Variants in RPL17 observed in about 807,000 individuals in gnomAD.
RPL17 encodes large ribosomal subunit protein uL22.
Under a neutral mutation model 27.7 loss-of-function variants are expected in RPL17, and 2 were observed. The observed-to-expected ratio is 0.07, with a 90% CI of 0.03 to 0.23. The LOEUF (loss-of-function observed/expected upper bound fraction) is 0.23, where lower values mean the gene tolerates loss of function less well. Among genes scored for constraint, RPL17 ranks in the 10% least tolerant of loss-of-function variants. The pLI, the probability that RPL17 is intolerant of heterozygous loss-of-function variation, is 1.00. For synonymous variants in RPL17, 76 were observed against 75.5 expected (o/e 1.01, Z -0.03); for missense variants, 141 against 238.8 (o/e 0.59, Z 2.70).
chr18:49,488,653 T>C, intron 6 of RPL17, 87 bp from the exon 7 acceptor site: 1 of 804,962 alleles, frequency 1.2e-6, no homozygotes, highest in Non-Finnish European at 2.2e-6. Context: ...GCAGGAAACC[T>C]AGTCGTTAAG....
At position 49,490,537 on chromosome 18, in the gene RPL17, A is replaced by T; in HGVS notation, c.232T>A (p.Trp78Arg). ...GRCAQAKQWG[W>R]TQGRWPKKSA... ...TTTTTGGGCCACCGACCTTGTGTCC[A>T]GCCCCATTGCTTGGCCTGAAAGAAA... The change falls in exon 5 of 7, where the codon TGG becomes AGG. Residue 78 changes from tryptophan (W) to arginine (R), a missense_variant. Trp to Arg is a moderately radical substitution (Grantham distance 101). Around this residue, in one of 2 missense-constraint regions of RPL17, gnomAD observed 107 missense variants for 150.1 expected, o/e 0.71. Coordinates refer to ENST00000580261, the MANE Select transcript of RPL17 (RefSeq NM_001035006.5). The T allele has an allele frequency of 6.2e-7, 1 of 1,614,062 alleles. No homozygotes were observed. Among genetic ancestry groups the T allele is most frequent in the Non-Finnish European group, 8.5e-7 (1 of 1,179,946 alleles).
At chr18:49,492,250 C>T (rs1305693015) in intron 1 of RPL17, 1 of 153,374 alleles carries the variant, frequency 6.5e-6, no homozygotes, top group East Asian at 1.9e-4. Flanking sequence ...TCACGTCCCT[C>T]TGCGGACCTC....
chr18:49,488,610 G>A, intron 6 of RPL17, 44 bp from the exon 7 acceptor site: 1 of 1,192,300 alleles, frequency 8.4e-7, no homozygotes, highest in Non-Finnish European at 1.3e-6. Context: ...GAAAACCACA[G>A]TACATCTTGG....
intron 1 of RPL17, chr18:49,492,036 C>G (rs1383648988): frequency 3.1e-6 from 1 of 326,186 alleles, no homozygotes; most frequent in African/African-American, 2.1e-5. Flanking sequence ...ACTTTAAGAG[C>G]CCTCCTGTAC....
chr18:49,490,692 C>T, intron 4 of RPL17, 101 bp downstream of exon 4: 2 of 1,592,024 alleles, frequency 1.3e-6, no homozygotes, highest in Non-Finnish European at 1.7e-6. Flanking sequence ...ATTACAGCAA[C>T]CAGAAATAGG....
At chr18:49,489,911 C>T (rs73959374) in intron 5 of RPL17, among the ~76,000 whole-genome samples, 8,476 of 152,264 alleles carry the variant, frequency 0.056, 275 homozygotes, top group South Asian at 0.098. Context: ...CAGACCTAAA[C>T]TAATTCCAGT....
chr18:49,491,227 A>C, intron 3 of RPL17, 178 bp downstream of exon 3: 1 of 1,099,920 alleles, frequency 9.1e-7, no homozygotes, highest in Non-Finnish European at 1.4e-6. Context: ...ACTACTTCTC[A>C]ATTTCACAAA....
intron 5 of RPL17, 125 bp downstream of exon 5, chr18:49,490,329 G>T (rs2083965841): frequency 9.9e-7 from 1 of 1,011,610 alleles, no homozygotes; most frequent in African/African-American, 1.9e-5. Flanking sequence ...GGAAACTGCA[G>T]GTAGAAATTT....
intron 1 of RPL17, 168 bp from the exon 2 acceptor site, chr18:49,491,752 C>T (rs774289716): frequency 1.0e-5 from 9 of 896,278 alleles, no homozygotes; most frequent in East Asian, 2.4e-5. Flanking sequence ...CCACCAAGGG[C>T]TTGCTTTCCC....
rs866030432 is a variant in RPL17, at chr18:49,491,565, G to A, written c.7C>T (p.Arg3Cys). The A allele has an allele frequency of 2.5e-6, 4 of 1,614,018 alleles. No homozygotes were observed. The highest frequency in any genetic ancestry group is 1.3e-5 in the African/African-American group (1 of 74,900). MV[R>C]YSLDPENPTK... is the part of the protein sequence containing the mutation. ...GGGTTCTCCGGGTCAAGTGAATAGC[G>A]AACCATTTTCACAGATCACCTAGAG... Residue 3 changes from arginine to cysteine, a missense_variant, in exon 2 of 7, where the codon CGC becomes TGC. Coordinates refer to ENST00000580261, the MANE Select transcript of RPL17 (RefSeq NM_001035006.5).
At chr18:49,492,090 CT>C (rs961456841) in intron 1 of RPL17, 132 of 207,524 alleles carry the variant, frequency 6.4e-4, no homozygotes, top group African/African-American at 2.6e-3. Flanking sequence ...CCCGACTTTT[CT>C]TTCCCCCAAA....
chr18:49,488,792 C>T (rs918403185), intron 6 of RPL17, among the ~76,000 whole-genome samples: 6 of 152,102 alleles, frequency 3.9e-5, no homozygotes, highest in African/African-American at 1.4e-4. Flanking sequence ...TTACTGAAAA[C>T]AAGCTTCTTA....
intron 4 of RPL17, 95 bp downstream of exon 4, chr18:49,490,698 A>G: frequency 6.3e-7 from 1 of 1,595,946 alleles, no homozygotes; most frequent in Non-Finnish European, 8.6e-7. Flanking sequence ...GCAACCAGAA[A>G]TAGGTTCATC....
intron 1 of RPL17, chr18:49,491,955 C>T (rs753494671): frequency 3.9e-5 from 15 of 380,238 alleles, no homozygotes; most frequent in Admixed American, 1.5e-4. Flanking sequence ...TCCCGCTCTA[C>T]AGAAACCCCT....
chr18:49,488,488 C>A lies in RPL17; in HGVS notation c.*31G>T. 1 of 1,245,790 alleles carries A rather than the reference C, an allele frequency of 8.0e-7. No individual in the cohort carries two copies. The allele number at this position is 1,245,790 out of a possible 1,614,324, so 77.2% of individuals were successfully genotyped here. A position where few individuals can be genotyped will look rare whatever the true frequency, so the allele number is the denominator to read the frequency against. ...TAATAAAGACAACCAACATTCTTTT[C>A]CTTTTAATTACATTTATTTTAATGC... is the stretch of plus-strand genomic sequence containing the variant. On this transcript the variant is annotated 3_prime_UTR_variant, in exon 7 of 7. Coordinates refer to ENST00000580261, the MANE Select transcript of RPL17 (RefSeq NM_001035006.5).
At chr18:49,489,199 A>T in intron 6 of RPL17, 160 bp downstream of exon 6, 1 of 704,126 alleles carries the variant, frequency 1.4e-6, no homozygotes, top group Non-Finnish European at 2.3e-6. Context: ...ATTTATTATT[A>T]GTCAAGAAAC....
chr18:49,489,719 G>GT (rs1198834050), intron 5 of RPL17, among the ~76,000 whole-genome samples, 169 bp from the exon 6 acceptor site: 1 of 152,160 alleles, frequency 6.6e-6, no homozygotes, highest in Non-Finnish European at 1.5e-5. Flanking sequence ...TTTTTAACCA[G>GT]TTGTCTGCCT....
Position 49,491,463 on chromosome 18 carries a change from T to G in RPL17, c.41-18A>C, listed in dbSNP as rs2084068864. 1.2e-6 allele frequency: 2 copies of G among 1,614,062 alleles called. No homozygotes were observed. The highest frequency in any genetic ancestry group is 8.5e-7 in the Non-Finnish European group (1 of 1,179,964). On this transcript the variant is annotated intron_variant, in intron 2 of 6. Transcript: ENST00000580261. ...TTTGCATGCTAGAAAATAAAACGTT[T>G]TGGTTAATTTTTGGTATCTTATGCC...
intron 6 of RPL17, among the ~76,000 whole-genome samples, 168 bp from the exon 7 acceptor site, chr18:49,488,734 G>A (rs1188438854): frequency 1.3e-5 from 2 of 152,128 alleles, no homozygotes; most frequent in Admixed American, 1.3e-4. Context: ...AAAAAGAAGT[G>A]TACAGAATCA....
Sources: allele counts gnomAD v4.1 joint callset (sites outside exome capture counted in the v4.1 genomes callset), GRCh38; gene constraint gnomAD v4.1.1; regional missense constraint gnomAD v4.1.1; transcripts MANE v1.5; gene names NCBI Gene and HGNC (gene_info 2026-07-23, HGNC 2026-07-21).